CCDC126: variants seen among roughly 807,000 people sequenced by gnomAD.
CCDC126 encodes coiled-coil domain containing 126, also known as coiled-coil domain-containing protein 126.
In CCDC126, 5 loss-of-function variants were observed where a neutral mutation model predicts 11.7. The observed-to-expected ratio is 0.43, with a 90% CI of 0.22 to 0.90. The LOEUF is 0.90. Ranked by LOEUF, CCDC126 falls within the 40% of genes least tolerant of loss-of-function variation. The probability of loss-of-function intolerance (pLI) is 0.27; values close to 1 mark genes in which losing one functional copy is unlikely to be tolerated. For synonymous variants in CCDC126, 60 were observed against 61.9 expected (o/e 0.97, Z 0.14); for missense variants, 150 against 163.1 (o/e 0.92, Z 0.44).
chr7:23,619,955 C>T (rs1782862081), intron 3 of CCDC126, among the ~76,000 whole-genome samples: 1 of 151,976 alleles, frequency 6.6e-6, no homozygotes, highest in South Asian at 2.1e-4. Flanking sequence ...TGTCTATGTG[C>T]CACATTTTCT....
intron 3 of CCDC126, among the ~76,000 whole-genome samples, chr7:23,637,442 C>T (rs1489006268): frequency 1.8e-4 from 15 of 85,016 alleles, no homozygotes; most frequent in Admixed American, 3.7e-4. Context: ...GGGGGGTCAG[C>T]CCCCCGCCCG....
chr7:23,620,426 G>A (rs1782871882), intron 3 of CCDC126, among the ~76,000 whole-genome samples: 1 of 151,950 alleles, frequency 6.6e-6, no homozygotes, highest in Non-Finnish European at 1.5e-5. Context: ...TGTTGATGGG[G>A]TTGTTTTTTT....
intron 2 of CCDC126, among the ~76,000 whole-genome samples, chr7:23,599,138 A>T (rs1782485834): frequency 6.6e-6 from 1 of 152,156 alleles, no homozygotes. Context: ...TCACTCTCTC[A>T]TGAGCTGCAC....
intron 3 of CCDC126, among the ~76,000 whole-genome samples, chr7:23,629,850 A>C (rs998461558): frequency 1.3e-5 from 2 of 152,006 alleles, no homozygotes; most frequent in Non-Finnish European, 2.9e-5. Flanking sequence ...ATAACTAAAA[A>C]TCTAACATTT....
At chr7:23,638,506 G>A (rs1161364320) in intron 3 of CCDC126, among the ~76,000 whole-genome samples, 38 of 116,096 alleles carry the variant, frequency 3.3e-4, no homozygotes, top group Middle Eastern at 3.7e-3. Context: ...TTAAACAGAT[G>A]CTTGAAGGCA....
At chr7:23,636,774 G>T (rs1160192612) in intron 3 of CCDC126, among the ~76,000 whole-genome samples, 4 of 143,050 alleles carry the variant, frequency 2.8e-5, no homozygotes, top group Admixed American at 6.7e-5. Flanking sequence ...GGAGGTGGGG[G>T]GGGGGTCAGC....
chr7:23,636,777 G>C (rs1266355868), intron 3 of CCDC126, among the ~76,000 whole-genome samples: 21 of 142,040 alleles, frequency 1.5e-4, no homozygotes, highest in East Asian at 4.2e-4. Context: ...GGTGGGGGGG[G>C]GGTCAGCCCC....
chr7:23,627,163 G>A (rs1221097777), intron 3 of CCDC126, among the ~76,000 whole-genome samples: 1 of 152,146 alleles, frequency 6.6e-6, no homozygotes. Context: ...GACTGACCCT[G>A]CTTTCTTTTA....
intron 3 of CCDC126, among the ~76,000 whole-genome samples, chr7:23,633,410 A>G (rs1009884038): frequency 8.5e-5 from 13 of 152,188 alleles, no homozygotes; most frequent in African/African-American, 2.9e-4. Context: ...CAATGAATGT[A>G]CACTTAATCA....
intron 3 of CCDC126, among the ~76,000 whole-genome samples, chr7:23,637,897 G>C (rs1405603992): frequency 1.7e-5 from 2 of 119,582 alleles, no homozygotes; most frequent in African/African-American, 6.0e-5. Context: ...GGGCGCCTCT[G>C]CCCGGCCGCC....
chr7:23,616,504 G>T (rs1782797651), intron 3 of CCDC126, among the ~76,000 whole-genome samples: 1 of 152,162 alleles, frequency 6.6e-6, no homozygotes, highest in African/African-American at 2.4e-5. Context: ...ATCTTGAAAA[G>T]ATCTTTTTCC....
At chr7:23,641,020 T>G (rs1423394919) in intron 3 of CCDC126, among the ~76,000 whole-genome samples, 1 of 134,456 alleles carries the variant, frequency 7.4e-6, no homozygotes. Context: ...TTTTTTGGTA[T>G]ATACCTAGGA....
rs536308413 is a variant in CCDC126, at chr7:23,606,162, C to G, written c.-145-5009C>G. ...CAAGCTCCGCCTCCTGGGTTCACGC[C>G]ATTCTCCTGCCTCAGCCTCCCAAGT... On this transcript the variant is annotated intron_variant, in intron 2 of 3. Transcript: ENST00000307471. 2.0e-5 allele frequency among the ~76,000 whole-genome samples: 3 copies of G among 152,114 alleles called. No homozygotes were observed. In the East Asian group the frequency reaches 5.8e-4, roughly 29 times the overall value.
At chr7:23,619,408 G>C (rs760580566) in intron 3 of CCDC126, 28 of 420,734 alleles carry the variant, frequency 6.7e-5, no homozygotes, top group Non-Finnish European at 1.2e-4. Context: ...GAGGCTTAAA[G>C]AAAAGGATAG....
rs193084828 is a variant in CCDC126 at position 23,600,662 on chromosome 7, G to C, written c.-146+2611G>C. On this transcript the variant is annotated intron_variant, in intron 2 of 3. Transcript: ENST00000307471. Reference sequence around the variant, plus strand: ...AAAGCTTCTCTGCCTGCTAGTTGCTGCTATTGCTGTTGATAGTTACTTTAG... The same window carrying C: ...AAAGCTTCTCTGCCTGCTAGTTGCTCCTATTGCTGTTGATAGTTACTTTAG... Among the ~76,000 whole-genome samples, 247 of 152,242 alleles carry C rather than the reference G, an allele frequency of 1.6e-3. 1 individual carries two copies. The highest frequency in any genetic ancestry group is 5.7e-3 in the African/African-American group (237 of 41,538).
rs777331993 is a variant in CCDC126, at chr7:23,643,048, G to A, written c.356G>A (p.Gly119Asp). ...VNGSAANTTNGTSGNLVPVTT... is the reference protein window; with the variant it reads ...VNGSAANTTNDTSGNLVPVTT... ...GGCTCAGCAGCCAACACCACCAATG[G>A]TACTAGTGGGAATTTGGTGCCAGTA... Residue 119 changes from glycine (G) to aspartate (D), a missense_variant, in exon 4 of 4, where the codon GGT becomes GAT. Coordinates refer to ENST00000307471, the MANE Select transcript of CCDC126 (RefSeq NM_138771.4). 14 of 1,613,966 alleles carry A rather than the reference G, an allele frequency of 8.7e-6. No individual in the cohort carries two copies. The highest frequency in any genetic ancestry group is 1.2e-5 in the Non-Finnish European group (14 of 1,179,944).
chr7:23,639,595 T>C (rs904521861), intron 3 of CCDC126, among the ~76,000 whole-genome samples: 5 of 152,232 alleles, frequency 3.3e-5, no homozygotes, highest in Non-Finnish European at 5.9e-5. Context: ...GGGTACTTCT[T>C]GCTGAAAGAT....
At chr7:23,632,933 A>C (rs376784665) in intron 3 of CCDC126, among the ~76,000 whole-genome samples, 264 of 152,330 alleles carry the variant, frequency 1.7e-3, no homozygotes, top group Non-Finnish European at 2.8e-3. Flanking sequence ...GAACTGAGGT[A>C]TTTGTATTTA....
At chr7:23,641,241 T>A (rs1367728560) in intron 3 of CCDC126, among the ~76,000 whole-genome samples, 1 of 152,190 alleles carries the variant, frequency 6.6e-6, no homozygotes, top group Non-Finnish European at 1.5e-5. Context: ...TTTTGGTTTG[T>A]ATTTCCATAG....
Sources: allele counts gnomAD v4.1 joint callset (sites outside exome capture counted in the v4.1 genomes callset), GRCh38; gene constraint gnomAD v4.1.1; transcripts MANE v1.5; gene names NCBI Gene and HGNC (gene_info 2026-07-23, HGNC 2026-07-21).